Variants in CTNNA3 observed in about 807,000 individuals in gnomAD.
CTNNA3 encodes catenin alpha-3.
CTNNA3 carries 76 observed loss-of-function variants against 95.7 expected under a neutral mutation model. The observed-to-expected ratio is 0.79, with a 90% CI of 0.66 to 0.96. The LOEUF (loss-of-function observed/expected upper bound fraction) is 0.96. Among genes scored for constraint, CTNNA3 ranks in the 40% least tolerant of loss-of-function variants. The probability of loss-of-function intolerance (pLI) is 0.00; values close to 1 mark genes in which losing one functional copy is unlikely to be tolerated. For missense variants in CTNNA3, 1,191 were observed against 1,089.8 expected (o/e 1.09, Z -1.31); for synonymous variants, 431 against 374.4 (o/e 1.15, Z -1.74).
intron 1 of CTNNA3, among the ~76,000 whole-genome samples, chr10:67,663,457 G>A (rs995260296): frequency 2.4e-4 from 36 of 151,826 alleles, no homozygotes; most frequent in African/African-American, 8.5e-4. Context: ...AAACTCTCCC[G>A]TGGGTGGGCT....
At chr10:67,388,791 T>G (rs1844316194) in intron 5 of CTNNA3, among the ~76,000 whole-genome samples, 3 of 152,038 alleles carry the variant, frequency 2.0e-5, no homozygotes, top group Admixed American at 1.3e-4. Flanking sequence ...CAACCCAGAA[T>G]TTCATATCCA....
chr10:67,249,824 T>G (rs1254003157), intron 5 of CTNNA3, among the ~76,000 whole-genome samples: 1 of 152,128 alleles, frequency 6.6e-6, no homozygotes, highest in Non-Finnish European at 1.5e-5. Context: ...CTGTGACAAT[T>G]TAGATTCACC....
rs138734509 is a variant in CTNNA3 at position 66,318,276 on chromosome 10, A to ATGTGTGTG, written c.1733-37663_1733-37656dup. Among the ~76,000 whole-genome samples, 137 of 136,636 alleles carry ATGTGTGTG rather than the reference A, an allele frequency of 1.0e-3. 1 individual carries two copies. Among genetic ancestry groups the ATGTGTGTG allele is most frequent in the Non-Finnish European group, 1.5e-3 (96 of 63,360 alleles). The allele number at this position is 136,636 out of a possible 152,430, so 89.6% of individuals were successfully genotyped here. On this transcript the variant is annotated intron_variant, in intron 12 of 17. Coordinates refer to ENST00000433211, the MANE Select transcript of CTNNA3 (RefSeq NM_013266.4). ...GTTGCTGGGAGATATATATATATAT[A>ATGTGTGTG]TGTGTGTGTGTGTGTGTGTGTGTGT...
intron 11 of CTNNA3, among the ~76,000 whole-genome samples, chr10:66,492,113 T>C (rs565851562): frequency 1.3e-5 from 2 of 152,184 alleles, no homozygotes; most frequent in South Asian, 4.1e-4. Flanking sequence ...CATTTCCTAC[T>C]TTTCTCAATG....
chr10:66,379,351 T>G lies in CTNNA3; in HGVS notation c.1533A>C (p.Glu511Asp). The G allele has an allele frequency of 6.2e-7, 1 of 1,613,048 alleles. No individual in the cohort carries two copies. Among genetic ancestry groups the G allele is most frequent in the Non-Finnish European group, 8.5e-7 (1 of 1,179,006 alleles). ...TGTTGACATCTTCCAAGATATGGCT[T>G]TCTGTAAGTAAATGAATCAAATTAG... ...TSIDDFLAVS[E>D]SHILEDVNKC... is the part of the protein sequence containing the mutation. The change falls in exon 12 of 18, where the codon GAA (glutamate) becomes GAC (aspartate). Residue 511 changes from glutamate (E) to aspartate (D), a missense_variant and splice_region_variant. Transcript: ENST00000433211.
chr10:67,404,103 A>G (rs1176955657), intron 5 of CTNNA3, among the ~76,000 whole-genome samples: 1 of 152,244 alleles, frequency 6.6e-6, no homozygotes, highest in Non-Finnish European at 1.5e-5. Context: ...AGAAAGAATC[A>G]GCACAAAAAC....
chr10:65,944,992 C>G (rs1199554012), intron 17 of CTNNA3, among the ~76,000 whole-genome samples: 6 of 151,802 alleles, frequency 4.0e-5, no homozygotes, highest in Non-Finnish European at 5.9e-5. Flanking sequence ...AAACATAGCA[C>G]CTTACAGAGA....
intron 11 of CTNNA3, among the ~76,000 whole-genome samples, chr10:66,429,755 AAAT>A: frequency 6.6e-6 from 1 of 152,186 alleles, no homozygotes; most frequent in African/African-American, 2.4e-5. Context: ...AAGTATCTAA[AAAT>A]AATAACAGCT....
chr10:67,131,137 C>G (rs1379402565), intron 7 of CTNNA3, among the ~76,000 whole-genome samples: 3 of 152,106 alleles, frequency 2.0e-5, no homozygotes, highest in African/African-American at 7.2e-5. Flanking sequence ...TCAGAATACA[C>G]TATGCTCTCC....
At chr10:66,714,846 C>T (rs910336622) in intron 9 of CTNNA3, among the ~76,000 whole-genome samples, 3 of 152,128 alleles carry the variant, frequency 2.0e-5, no homozygotes, top group Non-Finnish European at 2.9e-5. Flanking sequence ...CATTTGCTTG[C>T]TTAAAACTTC....
At chr10:67,515,798 T>C (rs1839793390) in intron 5 of CTNNA3, among the ~76,000 whole-genome samples, 1 of 152,144 alleles carries the variant, frequency 6.6e-6, no homozygotes, top group African/African-American at 2.4e-5. Context: ...ATTAACATAC[T>C]TCATCTTACA....
chr10:67,343,929 T>TTATTA (rs1208452365), intron 5 of CTNNA3, among the ~76,000 whole-genome samples: 1 of 147,986 alleles, frequency 6.8e-6, no homozygotes, highest in African/African-American at 2.4e-5. Context: ...ATTTTATATT[T>TTATTA]TATTATATTA....
intron 5 of CTNNA3, among the ~76,000 whole-genome samples, chr10:67,237,156 A>G (rs1478498537): frequency 3.0e-5 from 3 of 99,624 alleles, no homozygotes; most frequent in Non-Finnish European, 6.1e-5. Context: ...ATATATATAT[A>G]TATATATATA....
chr10:67,436,016 A>C (rs1846288972), intron 5 of CTNNA3, among the ~76,000 whole-genome samples: 1 of 152,122 alleles, frequency 6.6e-6, no homozygotes, highest in African/African-American at 2.4e-5. Context: ...GCATAGCCAA[A>C]GCAAGAGAAA....
intron 9 of CTNNA3, among the ~76,000 whole-genome samples, chr10:66,733,569 T>C (rs1849034560): frequency 6.6e-6 from 1 of 151,774 alleles, no homozygotes; most frequent in Non-Finnish European, 1.5e-5. Context: ...TTAATTTGTA[T>C]TGTTAAAGGG....
intron 7 of CTNNA3, among the ~76,000 whole-genome samples, chr10:66,855,438 TATATTTTATGATC>T (rs1843653173): frequency 6.6e-6 from 1 of 151,958 alleles, no homozygotes. Context: ...TCCAGCAAAA[TATATTTTATGATC>T]ATAACTTGAG....
chr10:66,995,402 T>C (rs2132952449), intron 7 of CTNNA3, among the ~76,000 whole-genome samples: 1 of 152,328 alleles, frequency 6.6e-6, no homozygotes, highest in Non-Finnish European at 1.5e-5. Context: ...ATCTCTTACA[T>C]GGCCCATGGT....
intron 5 of CTNNA3, among the ~76,000 whole-genome samples, chr10:67,315,165 T>A (rs1397522976): frequency 6.6e-6 from 1 of 152,216 alleles, no homozygotes; most frequent in Non-Finnish European, 1.5e-5. Context: ...TTATTCTGTC[T>A]ACCTCAAGTA....
chr10:67,409,730 T>G lies in CTNNA3; in HGVS notation c.579+112112A>C, dbSNP rs147925288. On this transcript the variant is annotated intron_variant, in intron 5 of 17. Coordinates refer to ENST00000433211, the MANE Select transcript of CTNNA3 (RefSeq NM_013266.4). ...GTAACAAACCTGCAAATCTTGCACA[T>G]GTACTCTGGAACTTAAAATAAAAGT... is the stretch of plus-strand genomic sequence containing the variant. Among the ~76,000 whole-genome samples the G allele has an allele frequency of 7.5e-3, 1,138 of 152,262 alleles. 10 individuals carry two copies. The highest frequency in any genetic ancestry group is 0.022 in the South Asian group (106 of 4,822).
Sources: gnomAD v4.1 joint callset for allele counts (sites outside exome capture counted in the v4.1 genomes callset) on GRCh38, gnomAD v4.1.1 for gene constraint, MANE v1.5 for transcripts, NCBI Gene and HGNC (gene_info 2026-07-23, HGNC 2026-07-21) for gene names.